Variants in ZFHX3 observed in about 807,000 individuals in gnomAD.
ZFHX3 encodes zinc finger homeobox protein 3.
In ZFHX3, 42 loss-of-function variants were observed where a neutral mutation model predicts 279.1. The ratio of observed to expected loss-of-function variants is 0.15; its 90% confidence interval spans 0.12 to 0.19. ZFHX3 has a LOEUF of 0.19. Among genes scored for constraint, ZFHX3 ranks in the 10% least tolerant of loss-of-function variants. The pLI is 1.00. For synonymous variants in ZFHX3, 2,293 were observed against 1,957.8 expected (o/e 1.17, Z -4.52); for missense variants, 4,981 against 4,754.0 (o/e 1.05, Z -1.40).
At chr16:73,028,099 C>T (rs935549511) in intron 1 of ZFHX3, among the ~76,000 whole-genome samples, 22 of 152,056 alleles carry the variant, frequency 1.4e-4, no homozygotes, top group Non-Finnish European at 2.6e-4. Flanking sequence ...GGATAGGACA[C>T]GGCCCCTCCG....
Position 72,797,564 on chromosome 16 carries a change from C to G in ZFHX3, c.5118G>C (p.Glu1706Asp). 6.2e-7 allele frequency: 1 copy of G among 1,614,004 alleles called. No individual in the cohort carries two copies. Among genetic ancestry groups the G allele is most frequent in the Non-Finnish European group, 8.5e-7 (1 of 1,180,004 alleles). Residue 1706 changes from glutamate (E) to aspartate (D), a missense_variant, in exon 9 of 10, where the codon GAG (glutamate) becomes GAC (aspartate). By Grantham distance (45) the Glu-to-Asp change is conservative. This residue lies in a region of ZFHX3 where 1,751 missense variants were observed against 1,770.0 expected (regional missense o/e 0.99). Coordinates refer to ENST00000268489, the MANE Select transcript of ZFHX3 (RefSeq NM_006885.4). ...PIGANIASPS[E>D]PKEANRKKLA... ...GTTTCTTCCGATTGGCCTCTTTGGG[C>G]TCTGAAGGGGAAGCAATGTTGGCAC...
At chr16:73,497,957 A>G (rs544037719) in intron 2 of ZFHX3, among the ~76,000 whole-genome samples, 82 of 152,372 alleles carry the variant, frequency 5.4e-4, no homozygotes, top group African/African-American at 1.9e-3. Flanking sequence ...AACCTAAGTT[A>G]TAAATAATTT....
At chr16:73,179,069 T>G (rs934887529) in intron 5 of ZFHX3, among the ~76,000 whole-genome samples, 1 of 152,240 alleles carries the variant, frequency 6.6e-6, no homozygotes, top group Admixed American at 6.5e-5. Context: ...CCGTAACTCA[T>G]ACAGTTAGCA....
intron 3 of ZFHX3, among the ~76,000 whole-genome samples, chr16:73,384,979 T>C (rs1027148924): frequency 4.6e-5 from 7 of 152,186 alleles, no homozygotes; most frequent in East Asian, 1.9e-4. Flanking sequence ...CGGGGACTTC[T>C]GTGAAAACAA....
At chr16:72,816,928 C>T (rs2036623768) in intron 5 of ZFHX3, among the ~76,000 whole-genome samples, 1 of 152,132 alleles carries the variant, frequency 6.6e-6, no homozygotes. Context: ...AAGTATTAAA[C>T]CTCTAAAAAT....
chr16:72,985,790 G>C (rs1024997110), intron 1 of ZFHX3, among the ~76,000 whole-genome samples: 1 of 152,028 alleles, frequency 6.6e-6, no homozygotes, highest in Non-Finnish European at 1.5e-5. Context: ...GCAGTCTTCC[G>C]CCCAACCAGG....
Position 73,563,244 on chromosome 16 carries a change from G to C in ZFHX3, c.-1546-106986C>G, listed in dbSNP as rs377590613. On this transcript the variant is annotated intron_variant, in intron 2 of 17. Transcript: ENST00000641206. ...TGTGTTTTGTTTTTGTTTTGTTTTT[G>C]TTTTTTTTTTTGAGAGGGAGTCTCA... Among the ~76,000 whole-genome samples the C allele has an allele frequency of 7.8e-3, 1,015 of 129,566 alleles. 17 individuals carry two copies. The highest frequency in any genetic ancestry group is 0.027 in the African/African-American group (950 of 34,958). 85.0% of individuals were successfully genotyped at this position (129,566 alleles called of 152,430 possible).
Position 73,312,912 on chromosome 16 carries a change from C to T in ZFHX3, c.-1194+5328G>A, listed in dbSNP as rs145634402. Among the ~76,000 whole-genome samples the T allele has an allele frequency of 3.8e-3, 582 of 152,286 alleles. 3 individuals are homozygous for T. The highest frequency in any genetic ancestry group is 6.9e-3 in the Non-Finnish European group (469 of 68,026). On this transcript the variant is annotated intron_variant, in intron 4 of 17. Transcript: ENST00000641206. Reference sequence around the variant, plus strand: ...ATGCTATGCCTCTATCCTCATTTTACAGATAAGTTTTGGGTAGGTCAAGAA... The same window carrying T: ...ATGCTATGCCTCTATCCTCATTTTATAGATAAGTTTTGGGTAGGTCAAGAA...
intron 1 of ZFHX3, among the ~76,000 whole-genome samples, chr16:73,739,258 T>C (rs1367425875): frequency 6.6e-6 from 1 of 152,246 alleles, no homozygotes; most frequent in Non-Finnish European, 1.5e-5. Flanking sequence ...CTGTCTGGAC[T>C]GTTGACTCAG....
At chr16:73,801,877 T>C (rs757453414) in intron 1 of ZFHX3, among the ~76,000 whole-genome samples, 1 of 152,214 alleles carries the variant, frequency 6.6e-6, no homozygotes, top group Non-Finnish European at 1.5e-5. Context: ...TCTGCCTCAG[T>C]TGTCTTGCCT....
chr16:73,884,527 ATTGT>A (rs2030284083), intron 1 of ZFHX3, among the ~76,000 whole-genome samples: 1 of 152,214 alleles, frequency 6.6e-6, no homozygotes, highest in South Asian at 2.1e-4. Context: ...TTTTAATTAA[ATTGT>A]TTGTTTTGGA....
At chr16:73,244,765 G>A (rs1324854815) in intron 5 of ZFHX3, among the ~76,000 whole-genome samples, 1 of 152,260 alleles carries the variant, frequency 6.6e-6, no homozygotes, top group African/African-American at 2.4e-5. Flanking sequence ...GCCTTTGCAC[G>A]GACAGCAACC....
chr16:72,981,909 G>GTC (rs1430762580), intron 1 of ZFHX3, among the ~76,000 whole-genome samples: 12 of 141,072 alleles, frequency 8.5e-5, no homozygotes, highest in Non-Finnish European at 9.0e-5. Context: ...CTGAGATGGA[G>GTC]TCTCGCTCTG....
Position 72,959,724 on chromosome 16 carries a change from G to A in ZFHX3, c.422C>T (p.Ala141Val), listed in dbSNP as rs750671779. ...CTGGCTCAGGCTCTCCACAATGTACGCGGAGCCGTCCGGCTGGTAGACGAT... is the reference window on the plus strand; with the variant it reads ...CTGGCTCAGGCTCTCCACAATGTACACGGAGCCGTCCGGCTGGTAGACGAT... Reference protein sequence around the residue: ...GEIVYQPDGSAYIVESLSQLT... With the variant: ...GEIVYQPDGSVYIVESLSQLT... Residue 141 changes from alanine (A) to valine (V), a missense_variant, in exon 2 of 10, where the codon GCG becomes GTG. By Grantham distance (64) the Ala-to-Val change is moderately conservative (BLOSUM62 0). This residue lies in a region of ZFHX3 where 1,068 missense variants were observed against 935.2 expected (regional missense o/e 1.14). Coordinates refer to ENST00000268489, the MANE Select transcript of ZFHX3 (RefSeq NM_006885.4). 19 of 1,613,488 alleles carry A rather than the reference G, an allele frequency of 1.2e-5. No individual in the cohort carries two copies. Among genetic ancestry groups the A allele is most frequent in the East Asian group, 6.7e-5 (3 of 44,878 alleles).
At chr16:73,883,468 T>A (rs1218783617) in intron 1 of ZFHX3, among the ~76,000 whole-genome samples, 1 of 151,740 alleles carries the variant, frequency 6.6e-6, no homozygotes, top group Non-Finnish European at 1.5e-5. Flanking sequence ...GATATATACA[T>A]ACAATCACAC....
At chr16:73,497,973 C>T (rs1260329487) in intron 2 of ZFHX3, among the ~76,000 whole-genome samples, 1 of 152,184 alleles carries the variant, frequency 6.6e-6, no homozygotes, top group African/African-American at 2.4e-5. Flanking sequence ...AATTTGACAA[C>T]TTGGTGGTGT....
At chr16:72,900,471 C>T (rs766020212) in intron 3 of ZFHX3, among the ~76,000 whole-genome samples, 39 of 152,186 alleles carry the variant, frequency 2.6e-4, no homozygotes, top group African/African-American at 5.3e-4. Context: ...TTTTAAAAAC[C>T]GCATGAGAAA....
intron 1 of ZFHX3, among the ~76,000 whole-genome samples, chr16:73,858,169 A>T (rs2142387029): frequency 6.6e-6 from 1 of 152,288 alleles, no homozygotes; most frequent in Admixed American, 6.5e-5. Context: ...CTGCACTGCA[A>T]TGCCTCTTTC....
rs143662630 is a variant in ZFHX3 at position 73,375,902 on chromosome 16, C to T, written c.-1290-57566G>A. Among the ~76,000 whole-genome samples the T allele has an allele frequency of 3.7e-3, 567 of 152,316 alleles. 4 individuals are homozygous for T. Among genetic ancestry groups the T allele is most frequent in the African/African-American group, 0.013 (539 of 41,574 alleles). ...ATTTAGATGGATCCTTCTCTGTGAT[C>T]ATGCCATCCACTGGATACACCGTTG... On this transcript the variant is annotated intron_variant, in intron 3 of 17. Coordinates refer to the ZFHX3 transcript ENST00000641206.
Sources: allele counts gnomAD v4.1 joint callset (sites outside exome capture counted in the v4.1 genomes callset), GRCh38; gene constraint gnomAD v4.1.1; regional missense constraint gnomAD v4.1.1; transcripts MANE v1.5; gene names NCBI Gene and HGNC (gene_info 2026-07-23, HGNC 2026-07-21).